The following ACTR3C variants were observed in gnomAD, a reference collection of about 807,000 sequenced individuals.
ACTR3C encodes actin-related protein 3C.
Under a neutral mutation model 26.3 loss-of-function variants are expected in ACTR3C, and 18 were observed. The ratio of observed to expected loss-of-function variants is 0.68; its 90% confidence interval spans 0.47 to 1.01. The LOEUF is 1.01. ACTR3C is among the 50% of genes least tolerant of loss of function. The probability of loss-of-function intolerance (pLI) is 0.00; values close to 1 mark genes in which losing one functional copy is unlikely to be tolerated. For synonymous variants in ACTR3C, 55 were observed against 94.5 expected, an observed-to-expected ratio of 0.58 and a Z score of 2.42; for missense variants, 184 against 250.7, an observed-to-expected ratio of 0.73 and a Z score of 1.80.
chr7:150,042,203 T>G, the ACTR3C span, among the ~76,000 whole-genome samples: 1 of 12,878 alleles, frequency 7.8e-5, no homozygotes, highest in Non-Finnish European at 1.4e-4. Flanking sequence ...CCCCCTGCGA[T>G]GAGGGTAGCA....
the ACTR3C span, among the ~76,000 whole-genome samples, chr7:150,039,426 TCGC>T: frequency 5.2e-5 from 3 of 57,942 alleles, no homozygotes; most frequent in East Asian, 4.8e-4. Context: ...AGTCCCTGCC[TCGC>T]GGGGGTGCCT....
At chr7:149,883,959 A>G in the ACTR3C span, among the ~76,000 whole-genome samples, 1 of 145,808 alleles carries the variant, frequency 6.9e-6, no homozygotes, top group Non-Finnish European at 1.5e-5. Context: ...AGCACATTCC[A>G]TTCTGTAACA....
chr7:150,115,905 T>C, the ACTR3C span, among the ~76,000 whole-genome samples: 1 of 152,202 alleles, frequency 6.6e-6, no homozygotes, highest in African/African-American at 2.4e-5. Flanking sequence ...AGTGCAAAGA[T>C]TCTTTCCTCC....
At chr7:150,241,135 T>C (rs184382849), downstream of ACTR3C, among the ~76,000 whole-genome samples, 521 of 152,154 alleles carry the variant, frequency 3.4e-3, 1 homozygote, top group African/African-American at 0.012. Context: ...TAAATTGTCA[T>C]ATAAATTGAT....
At chr7:150,204,089 G>T in the ACTR3C span, among the ~76,000 whole-genome samples, 2 of 150,116 alleles carry the variant, frequency 1.3e-5, no homozygotes, top group Non-Finnish European at 2.9e-5. Flanking sequence ...GTGCAACTGG[G>T]TCAGGAAAAG....
the ACTR3C span, among the ~76,000 whole-genome samples, chr7:149,949,109 A>G: frequency 2.7e-5 from 4 of 146,910 alleles, 1 homozygote; most frequent in Admixed American, 1.3e-4. Context: ...TGAAATCAGG[A>G]GTTCAAGACC....
chr7:150,037,653 A>T, the ACTR3C span, among the ~76,000 whole-genome samples: 45 of 102,304 alleles, frequency 4.4e-4, no homozygotes, highest in African/African-American at 1.2e-3. Context: ...CTACTTGGAC[A>T]ACTAACACCC....
At chr7:150,138,620 G>C in the ACTR3C span, among the ~76,000 whole-genome samples, 1 of 152,272 alleles carries the variant, frequency 6.6e-6, no homozygotes, top group South Asian at 2.1e-4. Flanking sequence ...TCCCAGCAAA[G>C]TGATGCCACC....
intron 1 of ACTR3C, 134 bp from the exon 2 acceptor site, chr7:150,295,481 C>T: frequency 9.6e-7 from 1 of 1,043,022 alleles, no homozygotes; most frequent in Non-Finnish European, 1.4e-6. Flanking sequence ...ACAGAGGATG[C>T]CCAAAGTGTA....
At chr7:150,259,758 A>G (rs529191109) in intron 6 of ACTR3C, among the ~76,000 whole-genome samples, 2 of 152,128 alleles carry the variant, frequency 1.3e-5, no homozygotes, top group East Asian at 1.9e-4. Flanking sequence ...TTGCTTGCTC[A>G]TTTCTGCCAA....
At chr7:150,232,111 G>A in the ACTR3C span, among the ~76,000 whole-genome samples, 29 of 152,186 alleles carry the variant, frequency 1.9e-4, no homozygotes, top group African/African-American at 5.8e-4. Context: ...TCCCTTTATC[G>A]TTATGTAATG....
chr7:150,141,718 T>A, the ACTR3C span, among the ~76,000 whole-genome samples: 1 of 152,052 alleles, frequency 6.6e-6, no homozygotes, highest in Admixed American at 6.5e-5. Context: ...AAGTGATGTA[T>A]CCCCTCAACG....
chr7:150,152,427 T>C, the ACTR3C span, among the ~76,000 whole-genome samples: 1 of 152,254 alleles, frequency 6.6e-6, no homozygotes, highest in Non-Finnish European at 1.5e-5. Context: ...GTTCTGTTTA[T>C]ATCCTGGATT....
the ACTR3C span, among the ~76,000 whole-genome samples, chr7:150,070,237 G>A: frequency 1.3e-5 from 2 of 152,122 alleles, no homozygotes; most frequent in Non-Finnish European, 2.9e-5. Context: ...TCAGCATCAC[G>A]GCTGTAAGAA....
chr7:150,021,409 G>T, the ACTR3C span, among the ~76,000 whole-genome samples: 1 of 151,144 alleles, frequency 6.6e-6, no homozygotes, highest in African/African-American at 2.4e-5. Flanking sequence ...GGAGGTGTAG[G>T]TTCTGGTACA....
chr7:150,231,555 G>A, the ACTR3C span, among the ~76,000 whole-genome samples: 172 of 150,180 alleles, frequency 1.1e-3, no homozygotes, highest in African/African-American at 3.9e-3. Flanking sequence ...GATGCATCTC[G>A]TATAGCCTAT....
the ACTR3C span, among the ~76,000 whole-genome samples, chr7:150,112,201 A>G: frequency 0.47 from 70,044 of 148,782 alleles, 17,080 homozygotes; most frequent in African/African-American, 0.62. Flanking sequence ...CTCAGTGGGA[A>G]CATCCCCCGA....
the ACTR3C span, among the ~76,000 whole-genome samples, chr7:149,940,110 T>G: frequency 1.3e-5 from 2 of 151,986 alleles, no homozygotes; most frequent in African/African-American, 4.8e-5. Flanking sequence ...TAGACACAAT[T>G]CTTCAACATT....
the ACTR3C span, among the ~76,000 whole-genome samples, chr7:149,962,970 C>T: frequency 6.6e-6 from 1 of 152,206 alleles, no homozygotes; most frequent in African/African-American, 2.4e-5. Context: ...CACAAGTTTC[C>T]ACAAAGTCTG....
Sources: allele counts gnomAD v4.1 joint callset (sites outside exome capture counted in the v4.1 genomes callset), GRCh38; gene constraint gnomAD v4.1.1; transcripts MANE v1.5; gene names NCBI Gene and HGNC (gene_info 2026-07-23, HGNC 2026-07-21).